CDH18: variants seen among roughly 807,000 people sequenced by gnomAD.
The protein encoded by CDH18 is cadherin 18, also known as cadherin-18.
Under a neutral mutation model 67.9 loss-of-function variants are expected in CDH18, and 31 were observed. That is an observed-to-expected ratio of 0.46 (90% CI 0.34 to 0.62). The LOEUF is 0.62. CDH18 is among the 20% of genes least tolerant of loss of function. The pLI is 0.01. For missense variants in CDH18, 890 were observed against 975.5 expected (o/e 0.91, Z 1.17); for synonymous variants, 362 against 347.2 (o/e 1.04, Z -0.48).
rs11414745 is a variant in CDH18 at position 20,074,734 on chromosome 5, G to GTT, written c.-517-82722_-517-82721dup. On this transcript the variant is annotated intron_variant, in intron 2 of 14. Transcript: ENST00000507958. ...AGTACTTTTAATACAATAGTTTGGG[G>GTT]TTTTTTTTTTTGCATCATTAAGGTT... 3.7e-3 allele frequency among the ~76,000 whole-genome samples: 541 copies of GTT among 147,066 alleles called. 4 individuals are homozygous for GTT. Among genetic ancestry groups the GTT allele is most frequent in the South Asian group, 4.7e-3 (22 of 4,710 alleles).
intron 2 of CDH18, among the ~76,000 whole-genome samples, chr5:19,979,108 A>G (rs999567689): frequency 3.9e-5 from 6 of 152,048 alleles, no homozygotes; most frequent in Non-Finnish European, 7.4e-5. Flanking sequence ...AAATATTCTG[A>G]GTGAAGCTTG....
intron 2 of CDH18, among the ~76,000 whole-genome samples, chr5:20,120,937 A>G (rs948061580): frequency 6.6e-6 from 1 of 152,146 alleles, no homozygotes; most frequent in African/African-American, 2.4e-5. Context: ...TTCATATATA[A>G]TGAGACAGAT....
At position 20,188,282 on chromosome 5, in the gene CDH18, C is replaced by T. The variant is rs556554956; in HGVS notation, c.-518+67162G>A. ...CATGTTGAAGCTATAGTTCAAAAGA[C>T]TGAAACATCTAATTCAAATCCAATC... On this transcript the variant is annotated intron_variant, in intron 2 of 14. Transcript: ENST00000507958. Among the ~76,000 whole-genome samples, 4 of 152,040 alleles carry T rather than the reference C, an allele frequency of 2.6e-5. No individual in the cohort carries two copies. In the South Asian group the frequency reaches 6.2e-4, roughly 24 times the overall value.
intron 12 of CDH18, among the ~76,000 whole-genome samples, chr5:19,477,740 G>A (rs1041065949): frequency 1.3e-5 from 2 of 151,910 alleles, no homozygotes; most frequent in Admixed American, 1.3e-4. Flanking sequence ...CATACACATT[G>A]GCAAGGTACC....
At chr5:20,525,204 T>G (rs1755975305) in intron 1 of CDH18, among the ~76,000 whole-genome samples, 1 of 152,112 alleles carries the variant, frequency 6.6e-6, no homozygotes, top group African/African-American at 2.4e-5. Context: ...AGATTCTTGC[T>G]GGGGGGACTG....
intron 7 of CDH18, among the ~76,000 whole-genome samples, chr5:19,580,781 G>A (rs1297102689): frequency 6.6e-6 from 1 of 151,980 alleles, no homozygotes; most frequent in African/African-American, 2.4e-5. Flanking sequence ...AACTCAGGCA[G>A]AGGAAGTGTA....
intron 2 of CDH18, among the ~76,000 whole-genome samples, chr5:19,887,820 C>T (rs1214990457): frequency 2.0e-5 from 3 of 151,984 alleles, no homozygotes; most frequent in East Asian, 1.9e-4. Flanking sequence ...AAGCCTCCTG[C>T]CTCAGCCACC....
chr5:19,850,922 A>G (rs570174670), intron 2 of CDH18, among the ~76,000 whole-genome samples: 1 of 151,980 alleles, frequency 6.6e-6, no homozygotes, highest in African/African-American at 2.4e-5. Flanking sequence ...AGCTTTTAAC[A>G]ATTAGGGAAC....
intron 3 of CDH18, among the ~76,000 whole-genome samples, chr5:19,814,875 CAT>C (rs5866398): frequency 0.41 from 58,557 of 143,810 alleles, 11,849 homozygotes; most frequent in Middle Eastern, 0.49. Context: ...CACACACACA[CAT>C]GGACACACAC....
chr5:19,491,450 A>G (rs576256378), intron 11 of CDH18, among the ~76,000 whole-genome samples: 2 of 152,344 alleles, frequency 1.3e-5, no homozygotes, highest in Non-Finnish European at 2.9e-5. Context: ...AAAATAAACT[A>G]CGGGAATGTT....
At position 19,834,021 on chromosome 5, in the gene CDH18, T is replaced by C. The variant is rs184408183; in HGVS notation, c.228+4738A>G. ...CTTCCTGGTTTTGGTATCAGGATGA[T>C]GCCGGCTTCATAAAATGAGTTAGGG... On this transcript the variant is annotated intron_variant, in intron 3 of 12. Coordinates refer to ENST00000382275, the MANE Select transcript of CDH18 (RefSeq NM_004934.5). Among the ~76,000 whole-genome samples the C allele has an allele frequency of 3.9e-3, 588 of 152,276 alleles. 6 individuals carry two copies. Among genetic ancestry groups the C allele is most frequent in the African/African-American group, 0.014 (564 of 41,564 alleles).
At chr5:19,564,042 T>C (rs1318448627) in intron 8 of CDH18, among the ~76,000 whole-genome samples, 2 of 152,292 alleles carry the variant, frequency 1.3e-5, no homozygotes. Context: ...CAGCACAGGC[T>C]AGAGAGAAAT....
intron 1 of CDH18, among the ~76,000 whole-genome samples, chr5:20,559,453 A>C (rs2126642172): frequency 6.6e-6 from 1 of 152,228 alleles, no homozygotes; most frequent in Middle Eastern, 3.4e-3. Context: ...TATATCATAC[A>C]TCTATTTAAA....
In CDH18 at chr5:19,993,760, T is replaced by C. The variant is rs115381108; in HGVS notation, c.-517-1746A>G. Among the ~76,000 whole-genome samples the C allele has an allele frequency of 6.5e-3, 982 of 152,234 alleles. 2 individuals carry two copies. The highest frequency in any genetic ancestry group is 0.011 in the Non-Finnish European group (780 of 67,994). ...TATCGATATATAGATAATAGATATATAGATATACCTCTCTATCTATCCTCT... is the reference window on the plus strand; with the variant it reads ...TATCGATATATAGATAATAGATATACAGATATACCTCTCTATCTATCCTCT... On this transcript the variant is annotated intron_variant, in intron 2 of 14. Transcript: ENST00000507958.
intron 2 of CDH18, among the ~76,000 whole-genome samples, chr5:19,996,525 T>C (rs545544482): frequency 6.6e-6 from 1 of 152,212 alleles, no homozygotes; most frequent in Admixed American, 6.5e-5. Context: ...AACTCATGAT[T>C]ACTTTACTGG....
chr5:19,768,636 C>A (rs577020254), intron 3 of CDH18, among the ~76,000 whole-genome samples: 1 of 152,098 alleles, frequency 6.6e-6, no homozygotes, highest in Admixed American at 6.6e-5. Context: ...AAATCATTAA[C>A]TCACTGATAA....
chr5:19,967,107 A>C (rs1797521737), intron 2 of CDH18, among the ~76,000 whole-genome samples: 1 of 151,978 alleles, frequency 6.6e-6, no homozygotes, highest in African/African-American at 2.4e-5. Context: ...AAAAAATGTA[A>C]AAAAAATCTA....
intron 2 of CDH18, among the ~76,000 whole-genome samples, chr5:20,202,815 A>G (rs1287143431): frequency 6.6e-6 from 1 of 152,106 alleles, no homozygotes; most frequent in African/African-American, 2.4e-5. Flanking sequence ...GTCAACTGCA[A>G]AACACATACC....
At chr5:20,387,160 G>C (rs532439256) in intron 1 of CDH18, among the ~76,000 whole-genome samples, 108 of 151,998 alleles carry the variant, frequency 7.1e-4, no homozygotes, top group African/African-American at 2.4e-3. Context: ...GGATATAAAA[G>C]TTTATGGACA....
Sources: gnomAD v4.1 joint callset for allele counts (sites outside exome capture counted in the v4.1 genomes callset) on GRCh38, gnomAD v4.1.1 for gene constraint, MANE v1.5 for transcripts, NCBI Gene and HGNC (gene_info 2026-07-23, HGNC 2026-07-21) for gene names.